The following DLGAP2 variants were observed in gnomAD, a reference collection of about 807,000 sequenced individuals.
DLGAP2 encodes disks large-associated protein 2.
A neutral mutation model predicts 100.3 loss-of-function variants in DLGAP2; 26 were observed. The observed-to-expected ratio is 0.26, with a 90% CI of 0.19 to 0.36. The LOEUF (loss-of-function observed/expected upper bound fraction) is 0.36, where lower values mean the gene tolerates loss of function less well. DLGAP2 is among the 10% of genes least tolerant of loss of function. The probability of loss-of-function intolerance (pLI) is 1.00; values close to 1 mark genes in which losing one functional copy is unlikely to be tolerated. For synonymous variants in DLGAP2, 886 were observed against 630.1 expected (o/e 1.41, Z -6.08); for missense variants, 1,858 against 1,453.2 (o/e 1.28, Z -4.53).
chr8:1,541,224 T>G (rs1240286042), intron 4 of DLGAP2, among the ~76,000 whole-genome samples: 1 of 152,168 alleles, frequency 6.6e-6, no homozygotes, highest in Non-Finnish European at 1.5e-5. Flanking sequence ...TTTAATCCAT[T>G]TATTTGTTTA....
chr8:829,635 A>G (rs952118262), intron 1 of DLGAP2, among the ~76,000 whole-genome samples: 39 of 152,368 alleles, frequency 2.6e-4, no homozygotes, highest in Middle Eastern at 3.4e-3. Context: ...TTTTCAAACT[A>G]TGTAAGCCAT....
chr8:873,252 T>A (rs1797632128), intron 1 of DLGAP2, among the ~76,000 whole-genome samples: 1 of 152,244 alleles, frequency 6.6e-6, no homozygotes, highest in Admixed American at 6.5e-5. Context: ...TAGATTTTTT[T>A]GTATATGATA....
intron 3 of DLGAP2, among the ~76,000 whole-genome samples, chr8:1,367,224 A>G (rs2129687707): frequency 6.6e-6 from 1 of 152,396 alleles, no homozygotes; most frequent in South Asian, 2.1e-4. Flanking sequence ...AATTTTGACC[A>G]TAGCCTGGTG....
chr8:1,207,196 A>G (rs745527028), intron 2 of DLGAP2, among the ~76,000 whole-genome samples: 3 of 152,190 alleles, frequency 2.0e-5, no homozygotes, highest in Admixed American at 1.3e-4. Context: ...AGCCATGTAC[A>G]CTGTACCCAA....
intron 3 of DLGAP2, among the ~76,000 whole-genome samples, chr8:1,337,529 T>G (rs1369722945): frequency 9.2e-6 from 1 of 108,454 alleles, no homozygotes; most frequent in African/African-American, 3.0e-5. Context: ...CTGATGATAG[T>G]GATGATGATG....
intron 7 of DLGAP2, among the ~76,000 whole-genome samples, chr8:1,627,142 T>G (rs1449446853): frequency 2.0e-5 from 3 of 152,234 alleles, no homozygotes; most frequent in Non-Finnish European, 4.4e-5. Context: ...ACCAAAAGGG[T>G]GGTCATCCTG....
intron 2 of DLGAP2, among the ~76,000 whole-genome samples, chr8:1,083,417 C>T (rs1803873747): frequency 6.6e-6 from 1 of 152,162 alleles, no homozygotes; most frequent in African/African-American, 2.4e-5. Flanking sequence ...TAGGAAGTAA[C>T]CAGATCTTAC....
At chr8:969,712 T>C (rs1799967884) in intron 2 of DLGAP2, among the ~76,000 whole-genome samples, 1 of 152,146 alleles carries the variant, frequency 6.6e-6, no homozygotes, top group Admixed American at 6.6e-5. Context: ...TCCCCTCAGC[T>C]CCCTGTTCAG....
intron 2 of DLGAP2, among the ~76,000 whole-genome samples, chr8:1,057,013 A>G (rs1477905845): frequency 6.6e-6 from 1 of 152,240 alleles, no homozygotes; most frequent in African/African-American, 2.4e-5. Context: ...GTTAACCCCA[A>G]GAACTCATGG....
At chr8:1,166,067 A>G (rs550544012) in intron 2 of DLGAP2, among the ~76,000 whole-genome samples, 3 of 152,364 alleles carry the variant, frequency 2.0e-5, no homozygotes, top group East Asian at 3.9e-4. Flanking sequence ...GCCCAAGGTT[A>G]TCTAAAGAGG....
At chr8:1,696,868 G>C (rs1330675024) in intron 13 of DLGAP2, among the ~76,000 whole-genome samples, 1 of 152,224 alleles carries the variant, frequency 6.6e-6, no homozygotes, top group Admixed American at 6.5e-5. Flanking sequence ...TTTATGAGCT[G>C]TGAAGCATTT....
chr8:885,241 A>G (rs1373503858), intron 1 of DLGAP2, among the ~76,000 whole-genome samples: 1 of 152,240 alleles, frequency 6.6e-6, no homozygotes, highest in Non-Finnish European at 1.5e-5. Flanking sequence ...CACAGTATTG[A>G]TTCTTCCTAT....
chr8:1,099,357 G>C (rs943016647), intron 2 of DLGAP2, among the ~76,000 whole-genome samples: 7 of 152,212 alleles, frequency 4.6e-5, no homozygotes, highest in African/African-American at 1.7e-4. Flanking sequence ...GTGTGCATAG[G>C]AGCCTTTGAT....
intron 8 of DLGAP2, among the ~76,000 whole-genome samples, chr8:1,662,872 G>C (rs1798442472): frequency 6.7e-6 from 1 of 150,314 alleles, no homozygotes. Flanking sequence ...GTGAGTGTGG[G>C]GTGTGTGCGC....
intron 6 of DLGAP2, among the ~76,000 whole-genome samples, chr8:1,608,281 C>G (rs1246868356): frequency 8.6e-6 from 1 of 115,838 alleles, no homozygotes; most frequent in Middle Eastern, 3.6e-3. Flanking sequence ...CAGGGGCACA[C>G]TGACACCTCA....
intron 3 of DLGAP2, among the ~76,000 whole-genome samples, chr8:1,425,040 C>G (rs942353176): frequency 4.6e-5 from 7 of 152,256 alleles, no homozygotes; most frequent in African/African-American, 1.4e-4. Flanking sequence ...TAGCTGATCT[C>G]AATTTAAACA....
chr8:994,498 C>A (rs577822807), intron 2 of DLGAP2, among the ~76,000 whole-genome samples: 4 of 152,184 alleles, frequency 2.6e-5, no homozygotes, highest in Non-Finnish European at 5.9e-5. Context: ...CTGCACCCAG[C>A]CTGGTGTTTT....
chr8:1,628,949 C>G (rs928110747), intron 7 of DLGAP2, among the ~76,000 whole-genome samples: 19 of 152,340 alleles, frequency 1.2e-4, no homozygotes, highest in African/African-American at 4.3e-4. Flanking sequence ...TGCTATTAGG[C>G]AAAGAGTCCA....
chr8:950,660 C>T (rs1241260599), intron 2 of DLGAP2, among the ~76,000 whole-genome samples: 7 of 139,014 alleles, frequency 5.0e-5, no homozygotes, highest in East Asian at 2.1e-4. Context: ...CTCGCTCTGT[C>T]ACCCAGGCTG....
Sources: allele counts gnomAD v4.1 joint callset (sites outside exome capture counted in the v4.1 genomes callset), GRCh38; gene constraint gnomAD v4.1.1; transcripts MANE v1.5; gene names NCBI Gene and HGNC (gene_info 2026-07-23, HGNC 2026-07-21).